The following EFNB2 variants were observed in gnomAD, a reference collection of about 807,000 sequenced individuals.
EFNB2 encodes the protein ephrin B2.
In EFNB2, 5 loss-of-function variants were observed where a neutral mutation model predicts 32.1. The ratio of observed to expected loss-of-function variants is 0.16; its 90% CI spans 0.08 to 0.33. The LOEUF is 0.33. Among genes scored for constraint, EFNB2 ranks in the 10% least tolerant of loss-of-function variants. The pLI is 1.00. For missense variants in EFNB2, 263 were observed against 422.6 expected (o/e 0.62, Z 3.31); for synonymous variants, 168 against 166.5 (o/e 1.01, Z -0.07).
chr13:106,497,988 T>C (rs943459310), intron 2 of EFNB2, among the ~76,000 whole-genome samples: 5 of 152,202 alleles, frequency 3.3e-5, no homozygotes, highest in African/African-American at 7.2e-5. Context: ...GTTTAAAATG[T>C]TTGGTTTACT....
At position 106,505,112 on chromosome 13, in the gene EFNB2, C is replaced by T. The variant is rs115832128; in HGVS notation, c.406+7417G>A. ...GATTGCAAGCTGGTTATATGTTACA[C>T]AATATATGACAAAGCGTCAGTACCA... On this transcript the variant is annotated intron_variant, in intron 2 of 4. Transcript: ENST00000646441. Among the ~76,000 whole-genome samples, 248 of 152,266 alleles carry T rather than the reference C, an allele frequency of 1.6e-3. 2 individuals are homozygous for T. The highest frequency in any genetic ancestry group is 5.7e-3 in the African/African-American group (237 of 41,556).
chr13:106,515,857 A>C (rs988679144), intron 1 of EFNB2, among the ~76,000 whole-genome samples: 1 of 152,160 alleles, frequency 6.6e-6, no homozygotes, highest in African/African-American at 2.4e-5. Flanking sequence ...GGCAGCAAAC[A>C]ACAGTACTGT....
Position 106,490,708 on chromosome 13 carries a change from G to A in EFNB2, c.*2332C>T, listed in dbSNP as rs954654224. ...AAAGAATTACATATGTACTGTGGCT[G>A]GTTACCATGGCAACCCTCCACAGAA... On this transcript the variant is annotated 3_prime_UTR_variant, in exon 5 of 5. Transcript: ENST00000646441. 3 of 151,764 alleles carry A rather than the reference G, an allele frequency of 2.0e-5. No homozygotes were observed. The highest frequency in any genetic ancestry group is 7.3e-5 in the African/African-American group (3 of 41,290). The allele number at this position is 151,764 out of a possible 1,614,324, so 9.4% of individuals were successfully genotyped here. A position where few individuals can be genotyped will look rare whatever the true frequency, so the allele number is the denominator to read the frequency against.
At chr13:106,503,193 T>C (rs1878841403) in intron 2 of EFNB2, among the ~76,000 whole-genome samples, 1 of 152,146 alleles carries the variant, frequency 6.6e-6, no homozygotes, top group Non-Finnish European at 1.5e-5. Context: ...AAGATCTTAC[T>C]GTTAAAAGTT....
At chr13:106,532,999 T>C (rs1879931298) in intron 1 of EFNB2, among the ~76,000 whole-genome samples, 1 of 151,566 alleles carries the variant, frequency 6.6e-6, no homozygotes. Flanking sequence ...AACTAATAGT[T>C]AATATAGCGC....
At chr13:106,534,354 C>T (rs533075102) in intron 1 of EFNB2, among the ~76,000 whole-genome samples, 4 of 152,184 alleles carry the variant, frequency 2.6e-5, no homozygotes, top group African/African-American at 9.6e-5. Flanking sequence ...CGACTCCAGG[C>T]TCCCCTCTCC....
chr13:106,532,566 T>C (rs1336848875), intron 1 of EFNB2, among the ~76,000 whole-genome samples: 1 of 152,256 alleles, frequency 6.6e-6, no homozygotes, highest in Non-Finnish European at 1.5e-5. Context: ...GAGAGGACTC[T>C]TTCCTATGGC....
In EFNB2 at chr13:106,493,059, T is replaced by C; in HGVS notation, c.983A>G (p.Asn328Ser). The C allele has an allele frequency of 6.2e-7, 1 of 1,611,176 alleles. No homozygotes were observed. The highest frequency in any genetic ancestry group is 8.5e-7 in the Non-Finnish European group (1 of 1,178,142). ...TCCCTCTCAGACCTTGTAGTAAATGTTCGCCGGGCTCTGCGGGGGCATCTC... is the reference window on the plus strand; with the variant it reads ...TCCCTCTCAGACCTTGTAGTAAATGCTCGCCGGGCTCTGCGGGGGCATCTC... ...VQEMPPQSPANIYYKV is the reference protein window; with the variant it reads ...VQEMPPQSPASIYYKV The change falls in exon 5 of 5, where the codon AAC becomes AGC. Residue 328 changes from asparagine to serine, a missense_variant. Asn to Ser is a conservative substitution (Grantham distance 46). This residue lies in a region of EFNB2 where 172 missense variants were observed against 237.1 expected (regional missense o/e 0.73). Coordinates refer to ENST00000646441, the MANE Select transcript of EFNB2 (RefSeq NM_004093.4). This position sits in a 1 kb window ranked among gnomAD's most constrained non-coding sequence, Gnocchi z 6.1.
chr13:106,501,150 G>C (rs754913565), intron 2 of EFNB2, among the ~76,000 whole-genome samples: 2 of 152,198 alleles, frequency 1.3e-5, no homozygotes, highest in Non-Finnish European at 2.9e-5. Flanking sequence ...TAATGTAGTT[G>C]AATGCCTTGA....
Position 106,534,967 on chromosome 13 carries a change from C to G in EFNB2, c.-3G>C, listed in dbSNP as rs760837871. 12 of 1,612,540 alleles carry G rather than the reference C, an allele frequency of 7.4e-6. No homozygotes were observed. The highest frequency in any genetic ancestry group is 9.3e-6 in the Non-Finnish European group (11 of 1,179,270). ...ACGGAGTCCCTTCTCACAGCCATGG[C>G]GAAGCCACTCCCAGCTCCGCGCACT... On this transcript the variant is annotated 5_prime_UTR_variant, in exon 1 of 5. Coordinates refer to ENST00000646441, the MANE Select transcript of EFNB2 (RefSeq NM_004093.4).
At chr13:106,497,551 T>A (rs1878632746) in intron 2 of EFNB2, among the ~76,000 whole-genome samples, 1 of 152,176 alleles carries the variant, frequency 6.6e-6, no homozygotes, top group South Asian at 2.1e-4. Context: ...AAAATTTTTT[T>A]TTATTATACT....
At position 106,501,967 on chromosome 13, in the gene EFNB2, T is replaced by C. The variant is rs933438346; in HGVS notation, c.407-6127A>G. Among the ~76,000 whole-genome samples the C allele has an allele frequency of 3.3e-5, 5 of 152,226 alleles. No homozygotes were observed. In the East Asian group the frequency reaches 7.7e-4, roughly 23 times the overall value. ...AAAACAAGCCCTCTACTTGATGAGA[T>C]GGTTCTCACTGACATTTGATTAACT... On this transcript the variant is annotated intron_variant, in intron 2 of 4. Coordinates refer to ENST00000646441, the MANE Select transcript of EFNB2 (RefSeq NM_004093.4).
intron 1 of EFNB2, chr13:106,520,326 G>A (rs1879462240): frequency 6.6e-6 from 1 of 152,214 alleles, no homozygotes; most frequent in Non-Finnish European, 1.5e-5. Context: ...AATTCCGAAT[G>A]CAGATGAGCA....
At chr13:106,526,791 T>A (rs1879715526) in intron 1 of EFNB2, among the ~76,000 whole-genome samples, 1 of 152,192 alleles carries the variant, frequency 6.6e-6, no homozygotes, top group African/African-American at 2.4e-5. Flanking sequence ...AGGGCCATGG[T>A]AAGCCCAGGT....
At position 106,535,118 on chromosome 13, in the gene EFNB2, G is replaced by C. The variant is rs757793547; in HGVS notation, c.-154C>G. 1 of 945,758 alleles carries C rather than the reference G, an allele frequency of 1.1e-6. No homozygotes were observed. The highest frequency in any genetic ancestry group is 4.0e-4 in the Middle Eastern group (1 of 2,492). 58.6% of individuals were successfully genotyped at this position (945,758 alleles called of 1,614,324 possible). A position where few individuals can be genotyped will look rare whatever the true frequency, so the allele number is the denominator to read the frequency against. On this transcript the variant is annotated 5_prime_UTR_variant, in exon 1 of 5. Transcript: ENST00000646441. ...GCGCTGCGCAGCTCCAGCGGTCGCC[G>C]GGCCAGGTGCGCTCGCTCTCCGGGG...
chr13:106,497,773 T>C (rs1878640362), intron 2 of EFNB2, among the ~76,000 whole-genome samples: 1 of 152,138 alleles, frequency 6.6e-6, no homozygotes. Context: ...CCTCCAAATA[T>C]GTGACTAAAT....
At chr13:106,519,815 T>A (rs1302410618) in intron 1 of EFNB2, 1 of 152,160 alleles carries the variant, frequency 6.6e-6, no homozygotes, top group East Asian at 1.9e-4. Flanking sequence ...AAAACATTAT[T>A]TTTTTAATGT....
At chr13:106,517,261 G>T (rs1387648204) in intron 1 of EFNB2, 1 of 152,164 alleles carries the variant, frequency 6.6e-6, no homozygotes, top group Non-Finnish European at 1.5e-5. Flanking sequence ...TTCAGATAAT[G>T]TTCATCTTGT....
At chr13:106,533,601 G>T (rs769751005) in intron 1 of EFNB2, among the ~76,000 whole-genome samples, 14 of 152,100 alleles carry the variant, frequency 9.2e-5, no homozygotes, top group Non-Finnish European at 1.9e-4. Context: ...TAGTGAATTT[G>T]AAATTTGACA....
Sources: gnomAD v4.1 joint callset for allele counts (sites outside exome capture counted in the v4.1 genomes callset) on GRCh38, gnomAD v4.1.1 for gene constraint, gnomAD v4.1.1 regional missense constraint, Gnocchi (gnomAD v3.1) non-coding constraint, MANE v1.5 for transcripts, NCBI Gene and HGNC (gene_info 2026-07-23, HGNC 2026-07-21) for gene names.